UBE2D1: variants seen among roughly 807,000 people sequenced by gnomAD.
UBE2D1 encodes the protein ubiquitin-conjugating enzyme E2 D1.
In UBE2D1, 9 loss-of-function variants were observed where a neutral mutation model predicts 24.6. That is an observed-to-expected ratio of 0.37 (90% CI 0.22 to 0.64). UBE2D1 has a LOEUF of 0.64. Among genes scored for constraint, UBE2D1 ranks in the 30% least tolerant of loss-of-function variants. The pLI is 0.64. For missense variants in UBE2D1, 87 were observed against 177.1 expected (o/e 0.49, Z 2.89); for synonymous variants, 57 against 57.6 (o/e 0.99, Z 0.04).
intron 1 of UBE2D1, among the ~76,000 whole-genome samples, chr10:58,358,650 C>T (rs368188972): frequency 2.0e-4 from 31 of 152,242 alleles, no homozygotes; most frequent in African/African-American, 6.7e-4. Context: ...AGATTTTTCC[C>T]AAGATCATGT....
intron 4 of UBE2D1, 133 bp from the exon 5 acceptor site, chr10:58,364,638 T>G (rs1244766899): frequency 2.6e-5 from 16 of 621,916 alleles, no homozygotes; most frequent in Non-Finnish European, 4.2e-5. Flanking sequence ...ATTATTTGAT[T>G]TGTGTTGATG....
intron 6 of UBE2D1, 43 bp downstream of exon 6, chr10:58,368,059 A>G (rs1589005287): frequency 7.3e-7 from 1 of 1,369,456 alleles, no homozygotes; most frequent in Middle Eastern, 1.8e-4. Context: ...ATACATTCCT[A>G]TATAGTATGC....
chr10:58,362,556 T>C (rs1196464630), intron 3 of UBE2D1, among the ~76,000 whole-genome samples: 3 of 152,178 alleles, frequency 2.0e-5, no homozygotes, highest in South Asian at 4.1e-4. Flanking sequence ...TTTTGAATTA[T>C]GGCCTTTCAC....
chr10:58,335,946 T>G (rs1281076805), intron 1 of UBE2D1, among the ~76,000 whole-genome samples: 1 of 152,250 alleles, frequency 6.6e-6, no homozygotes, highest in Non-Finnish European at 1.5e-5. Flanking sequence ...CCCCTCATGA[T>G]AAACTTAGAT....
intron 1 of UBE2D1, among the ~76,000 whole-genome samples, chr10:58,351,274 T>G (rs1483498994): frequency 2.0e-5 from 3 of 152,244 alleles, no homozygotes; most frequent in African/African-American, 7.2e-5. Context: ...GTTTATAAAC[T>G]TTATTTTTTT....
At chr10:58,346,715 CT>C (rs1840021597) in intron 1 of UBE2D1, among the ~76,000 whole-genome samples, 2 of 152,080 alleles carry the variant, frequency 1.3e-5, no homozygotes, top group African/African-American at 4.8e-5. Flanking sequence ...ATTTTAAGGA[CT>C]TATAAGTCTT....
At chr10:58,345,390 A>G (rs187882750) in intron 1 of UBE2D1, among the ~76,000 whole-genome samples, 482 of 152,236 alleles carry the variant, frequency 3.2e-3, no homozygotes, top group Admixed American at 5.9e-3. Context: ...TGGGAGGATC[A>G]CTTGAGCCCA....
At chr10:58,367,094 G>GT (rs1428964568) in intron 5 of UBE2D1, among the ~76,000 whole-genome samples, 1 of 152,122 alleles carries the variant, frequency 6.6e-6, no homozygotes, top group African/African-American at 2.4e-5. Flanking sequence ...GCCTGTCATT[G>GT]TAAGAGTCAA....
intron 6 of UBE2D1, chr10:58,368,402 G>A (rs1840279795): frequency 3.8e-6 from 1 of 264,704 alleles, no homozygotes; most frequent in Non-Finnish European, 7.1e-6. Context: ...TGCTAGTACT[G>A]TAGGTTCATT....
At chr10:58,350,302 C>A (rs1024555569) in intron 1 of UBE2D1, among the ~76,000 whole-genome samples, 20 of 152,226 alleles carry the variant, frequency 1.3e-4, no homozygotes, top group African/African-American at 4.8e-4. Flanking sequence ...TCATTTAAAT[C>A]ATTGTGTTGG....
chr10:58,357,851 G>C (rs551120052), intron 1 of UBE2D1, among the ~76,000 whole-genome samples: 34 of 152,194 alleles, frequency 2.2e-4, no homozygotes, highest in African/African-American at 7.9e-4. Flanking sequence ...TGAATATTAA[G>C]GATGTTTGAT....
At chr10:58,361,010 G>C (rs1001261220) in intron 1 of UBE2D1, 6 of 464,532 alleles carry the variant, frequency 1.3e-5, no homozygotes, top group African/African-American at 1.2e-4. Context: ...AATAGTACCT[G>C]TTTTCTGATA....
At chr10:58,357,418 G>A (rs1213268965) in intron 1 of UBE2D1, among the ~76,000 whole-genome samples, 1 of 152,070 alleles carries the variant, frequency 6.6e-6, no homozygotes, top group African/African-American at 2.4e-5. Flanking sequence ...ACAAATAAAA[G>A]TGATCCTTGA....
At chr10:58,361,777 A>G (rs1185275699) in intron 3 of UBE2D1, among the ~76,000 whole-genome samples, 3 of 151,774 alleles carry the variant, frequency 2.0e-5, no homozygotes, top group Non-Finnish European at 4.4e-5. Flanking sequence ...ACAGCTCGCA[A>G]CCAGGCTGTG....
intron 1 of UBE2D1, among the ~76,000 whole-genome samples, chr10:58,352,232 G>A (rs1446696768): frequency 1.3e-5 from 2 of 152,002 alleles, no homozygotes; most frequent in Admixed American, 6.6e-5. Context: ...ATCAAAAGTG[G>A]AAGCACTTTT....
At position 58,363,687 on chromosome 10, in the gene UBE2D1, G is replaced by A; in HGVS notation, c.198+1G>A. 6.2e-7 allele frequency: 1 copy of A among 1,601,380 alleles called. No homozygotes were observed. The highest frequency in any genetic ancestry group is 8.5e-7 in the Non-Finnish European group (1 of 1,172,542). ...AGATTATCCTTTTAAACCACCAAAG[G>A]TATTTTTATTTTTATGATTGATGTG... On this transcript the variant is annotated splice_donor_variant, in intron 4 of 6. Transcript: ENST00000373910. LOFTEE classifies it high-confidence loss of function.
chr10:58,348,659 G>A (rs1228370417), intron 1 of UBE2D1, among the ~76,000 whole-genome samples: 1 of 152,148 alleles, frequency 6.6e-6, no homozygotes, highest in Non-Finnish European at 1.5e-5. Context: ...GACTGTTGAA[G>A]CTAGAAAACA....
At chr10:58,363,812 CTG>C (rs1840226058) in intron 4 of UBE2D1, 126 bp downstream of exon 4, 2 of 614,816 alleles carry the variant, frequency 3.3e-6, no homozygotes, top group East Asian at 6.2e-5. Flanking sequence ...CATTTTCAAA[CTG>C]TTTTGTAAAA....
In UBE2D1 at chr10:58,368,791, C is replaced by T; in HGVS notation, c.*26C>T. ...AAATCAAAAACATTTTCATATATACCAGAGTACTGTAAAATCTAGGTTTTT... is the reference window on the plus strand; with the variant it reads ...AAATCAAAAACATTTTCATATATACTAGAGTACTGTAAAATCTAGGTTTTT... On this transcript the variant is annotated 3_prime_UTR_variant, in exon 7 of 7. Transcript: ENST00000373910. 1 of 1,507,778 alleles carries T rather than the reference C, an allele frequency of 6.6e-7. No individual in the cohort carries two copies. The allele number at this position is 1,507,778 out of a possible 1,614,324, so 93.4% of individuals were successfully genotyped here. A position where few individuals can be genotyped will look rare whatever the true frequency, so the allele number is the denominator to read the frequency against.
Sources: allele counts gnomAD v4.1 joint callset (sites outside exome capture counted in the v4.1 genomes callset), GRCh38; gene constraint gnomAD v4.1.1; transcripts MANE v1.5; gene names NCBI Gene and HGNC (gene_info 2026-07-23, HGNC 2026-07-21).